Variants in SMYD3 observed in about 807,000 individuals in gnomAD.
SMYD3 encodes the protein histone-lysine N-methyltransferase SMYD3.
A neutral mutation model predicts 57.7 loss-of-function variants in SMYD3; 36 were observed. The ratio of observed to expected loss-of-function variants is 0.62; its 90% CI spans 0.48 to 0.82. The LOEUF (loss-of-function observed/expected upper bound fraction) is 0.82. SMYD3 is among the 40% of genes least tolerant of loss of function. The pLI, the probability that SMYD3 is intolerant of heterozygous loss-of-function variation, is 0.00. For synonymous variants in SMYD3, 211 were observed against 195.0 expected, an observed-to-expected ratio of 1.08 and a Z score of -0.68; for missense variants, 515 against 538.8, an observed-to-expected ratio of 0.96 and a Z score of 0.44.
In SMYD3 at chr1:245,953,358, G is replaced by GA. The variant is rs560628732; in HGVS notation, c.532-23422dup. On this transcript the variant is annotated intron_variant, in intron 5 of 11. Coordinates refer to ENST00000490107, the MANE Select transcript of SMYD3 (RefSeq NM_001167740.2). ...AAAACATTTTTTAGGATGTAACTCT[G>GA]AAAAAAATAAAAAGTGAGAAAAAGC... The GA allele has an allele frequency of 2.4e-5, 24 of 984,486 alleles. No homozygotes were observed. In the South Asian group the frequency reaches 7.6e-4, roughly 31 times the overall value. 61.0% of individuals were successfully genotyped at this position (984,486 alleles called of 1,614,324 possible). A position where few individuals can be genotyped will look rare whatever the true frequency, so the allele number is the denominator to read the frequency against.
At position 246,008,266 on chromosome 1, in the gene SMYD3, T is replaced by C. The variant is rs61910682; in HGVS notation, c.532-78329A>G. ...ATTCTGAAAGGCCTCGGAGAAACTG[T>C]GTCCTTATCCACAGACGCACAGAGC... is the stretch of plus-strand genomic sequence containing the variant. On this transcript the variant is annotated intron_variant, in intron 5 of 11. Transcript: ENST00000490107. 8.9e-4 allele frequency among the ~76,000 whole-genome samples: 135 copies of C among 152,202 alleles called. 1 individual carries two copies. The highest frequency in any genetic ancestry group is 3.0e-3 in the African/African-American group (126 of 41,464).
intron 5 of SMYD3, among the ~76,000 whole-genome samples, chr1:246,002,786 G>A (rs1260986098): frequency 6.6e-6 from 1 of 152,054 alleles, no homozygotes; most frequent in Non-Finnish European, 1.5e-5. Context: ...GTCCTGCTCT[G>A]TCACCCAGCC....
At chr1:246,188,270 C>T (rs560980977) in intron 5 of SMYD3, among the ~76,000 whole-genome samples, 5 of 152,168 alleles carry the variant, frequency 3.3e-5, no homozygotes, top group East Asian at 3.9e-4. Context: ...AATACAGCAG[C>T]GAACAGGAGC....
chr1:246,247,487 T>TATATATATATACATATATATATA (rs1558347068), intron 5 of SMYD3, among the ~76,000 whole-genome samples: 7 of 141,354 alleles, frequency 5.0e-5, no homozygotes, highest in African/African-American at 1.7e-4. Flanking sequence ...ATATATATAT[T>TATATATATATACATATATATATA]TTTTAACATG....
chr1:245,968,571 A>C (rs1232669572), intron 5 of SMYD3, among the ~76,000 whole-genome samples: 1 of 152,194 alleles, frequency 6.6e-6, no homozygotes, highest in Non-Finnish European at 1.5e-5. Context: ...CATGTAAACC[A>C]CTGTGAGGTA....
intron 1 of SMYD3, among the ~76,000 whole-genome samples, chr1:246,427,441 A>G (rs1572491305): frequency 1.3e-5 from 2 of 148,678 alleles, no homozygotes; most frequent in Non-Finnish European, 3.0e-5. Context: ...AATGGCGTGA[A>G]CCCGGGAGGC....
chr1:246,010,283 G>A (rs141190982), intron 5 of SMYD3, among the ~76,000 whole-genome samples: 1,525 of 152,004 alleles, frequency 0.01, 15 homozygotes, highest in Non-Finnish European at 0.013. Flanking sequence ...GATAAAAATT[G>A]ACTTTTAAAA....
At chr1:246,353,182 G>T (rs924325433) in intron 2 of SMYD3, among the ~76,000 whole-genome samples, 3 of 152,156 alleles carry the variant, frequency 2.0e-5, no homozygotes, top group African/African-American at 7.2e-5. Context: ...TTTAAAAAAT[G>T]AGGTAGAAAT....
chr1:246,142,326 T>G (rs1418508464), intron 5 of SMYD3, among the ~76,000 whole-genome samples: 2 of 152,222 alleles, frequency 1.3e-5, no homozygotes, highest in Non-Finnish European at 2.9e-5. Context: ...TCTTTCTTCC[T>G]GTAGATCTTA....
intron 5 of SMYD3, among the ~76,000 whole-genome samples, chr1:246,050,088 G>A (rs1171577405): frequency 6.6e-6 from 1 of 152,078 alleles, no homozygotes; most frequent in African/African-American, 2.4e-5. Flanking sequence ...TAGAGATTAG[G>A]GCCATAAACT....
At chr1:246,334,933 G>A (rs530776427) in intron 3 of SMYD3, among the ~76,000 whole-genome samples, 16 of 152,214 alleles carry the variant, frequency 1.1e-4, no homozygotes, top group African/African-American at 3.6e-4. Context: ...AATCATTTGC[G>A]AAAGGAAGAG....
intron 5 of SMYD3, among the ~76,000 whole-genome samples, chr1:245,999,397 C>A (rs1189763945): frequency 6.6e-6 from 1 of 151,994 alleles, no homozygotes; most frequent in East Asian, 1.9e-4. Context: ...TCATGGGAAC[C>A]CCTTGATGTA....
chr1:246,274,758 G>A (rs2064297432), intron 5 of SMYD3, among the ~76,000 whole-genome samples: 1 of 152,044 alleles, frequency 6.6e-6, no homozygotes, highest in African/African-American at 2.4e-5. Context: ...ACAAGAGAGA[G>A]CCAGTAATTA....
chr1:246,083,593 A>G (rs2885262), intron 5 of SMYD3, among the ~76,000 whole-genome samples: 57,448 of 151,998 alleles, frequency 0.38, 13,913 homozygotes, highest in African/African-American at 0.68. Flanking sequence ...CGTTCCACCC[A>G]ACAAGAAACG....
intron 5 of SMYD3, among the ~76,000 whole-genome samples, chr1:246,284,826 C>G (rs2064527455): frequency 1.3e-5 from 2 of 152,056 alleles, no homozygotes; most frequent in Non-Finnish European, 2.9e-5. Context: ...AATGTGAAAC[C>G]AGCCTTACAT....
At chr1:246,224,522 T>A (rs892235225) in intron 5 of SMYD3, among the ~76,000 whole-genome samples, 4 of 151,784 alleles carry the variant, frequency 2.6e-5, no homozygotes, top group Non-Finnish European at 5.9e-5. Context: ...ATTCTAGGTG[T>A]AATGGAAGTC....
chr1:246,146,813 CAGAAG>C (rs2061850156), intron 5 of SMYD3, among the ~76,000 whole-genome samples: 1 of 152,108 alleles, frequency 6.6e-6, no homozygotes, highest in South Asian at 2.1e-4. Context: ...GGAAGGATGG[CAGAAG>C]AGAAGAAAGA....
In SMYD3 at chr1:246,414,787, G is replaced by A. The variant is rs190187622; in HGVS notation, c.165-59693C>T. 2.5e-3 allele frequency among the ~76,000 whole-genome samples: 345 copies of A among 137,826 alleles called. 2 individuals are homozygous for A. Among genetic ancestry groups the A allele is most frequent in the African/African-American group, 8.3e-3 (302 of 36,390 alleles). The allele number at this position is 137,826 out of a possible 152,430, so 90.4% of individuals were successfully genotyped here. A position where few individuals can be genotyped will look rare whatever the true frequency, so the allele number is the denominator to read the frequency against. Reference sequence around the variant, plus strand: ...GACCAGAGTGCAGTGGCATGCTATCGGCTCACAGCAACCTCTGCCTCCTGA... The same window carrying A: ...GACCAGAGTGCAGTGGCATGCTATCAGCTCACAGCAACCTCTGCCTCCTGA... On this transcript the variant is annotated intron_variant, in intron 1 of 11. Coordinates refer to ENST00000490107, the MANE Select transcript of SMYD3 (RefSeq NM_001167740.2).
Position 246,175,584 on chromosome 1 carries a change from T to C in SMYD3, c.531+151617A>G, listed in dbSNP as rs537248581. Among the ~76,000 whole-genome samples the C allele has an allele frequency of 4.5e-4, 68 of 152,218 alleles. 1 individual carries two copies. Among genetic ancestry groups the C allele is most frequent in the African/African-American group, 1.4e-3 (58 of 41,466 alleles). ...TTCCATCACAGATCTGGAAGTAGTC[T>C]GTGAACTATCGAGGAAGACAGGGCC... is the stretch of plus-strand genomic sequence containing the variant. On this transcript the variant is annotated intron_variant, in intron 5 of 11. Coordinates refer to ENST00000490107, the MANE Select transcript of SMYD3 (RefSeq NM_001167740.2).
Sources: allele counts gnomAD v4.1 joint callset (sites outside exome capture counted in the v4.1 genomes callset), GRCh38; gene constraint gnomAD v4.1.1; transcripts MANE v1.5; gene names NCBI Gene and HGNC (gene_info 2026-07-23, HGNC 2026-07-21).